Variants in ITCH observed in about 807,000 individuals in gnomAD.
ITCH encodes E3 ubiquitin-protein ligase Itchy homolog.
In ITCH, 28 loss-of-function variants were observed where a neutral mutation model predicts 126.8. The ratio of observed to expected loss-of-function variants is 0.22; its 90% confidence interval spans 0.16 to 0.30. ITCH has a LOEUF of 0.30. ITCH is among the 10% of genes least tolerant of loss of function. ITCH has a pLI of 1.00. For missense variants in ITCH, 631 were observed against 1,032.4 expected (o/e 0.61, Z 5.33); for synonymous variants, 342 against 340.0 (o/e 1.01, Z -0.06).
intron 22 of ITCH, among the ~76,000 whole-genome samples, chr20:34,490,278 G>C (rs973116457): frequency 1.3e-5 from 2 of 152,174 alleles, no homozygotes; most frequent in Admixed American, 1.3e-4. Flanking sequence ...AAATTTAAGA[G>C]ACTTGGTTTA....
chr20:34,494,185 G>A (rs1157215020), intron 23 of ITCH, among the ~76,000 whole-genome samples: 3 of 152,150 alleles, frequency 2.0e-5, no homozygotes, highest in African/African-American at 2.4e-5. Flanking sequence ...AGCTGAGATC[G>A]TGCCACTGCA....
chr20:34,470,701 T>TC lies in ITCH; in HGVS notation c.1497+582dup, dbSNP rs560597944. Among the ~76,000 whole-genome samples the TC allele has an allele frequency of 3.2e-4, 49 of 152,262 alleles. 1 individual carries two copies. The South Asian group carries it at 9.7e-3, about 30-fold the overall frequency. ...TTGACCTCCTGGGCTCAAGTGATCC[T>TC]CTTGCCTCAGCCTTCTCGCTAGCTG... On this transcript the variant is annotated intron_variant, in intron 15 of 24. Transcript: ENST00000374864.
At chr20:34,410,802 A>T (rs554396694) in intron 4 of ITCH, among the ~76,000 whole-genome samples, 18 of 152,322 alleles carry the variant, frequency 1.2e-4, no homozygotes, top group South Asian at 4.1e-4. Flanking sequence ...TTGAGTGCGT[A>T]CTTGATATGC....
intron 16 of ITCH, among the ~76,000 whole-genome samples, chr20:34,472,750 G>C (rs1242712859): frequency 6.6e-6 from 1 of 152,210 alleles, no homozygotes; most frequent in Non-Finnish European, 1.5e-5. Context: ...TTGGCATCCT[G>C]CTATGTAGGA....
intron 3 of ITCH, among the ~76,000 whole-genome samples, chr20:34,401,267 C>A (rs1350048893): frequency 6.6e-6 from 1 of 152,108 alleles, no homozygotes; most frequent in Admixed American, 6.5e-5. Flanking sequence ...ATACTGAACT[C>A]ATCTGTGTCT....
intron 23 of ITCH, 61 bp downstream of exon 23, chr20:34,492,658 A>ATGTG: frequency 9.9e-7 from 1 of 1,009,126 alleles, no homozygotes; most frequent in South Asian, 1.3e-5. Flanking sequence ...CTTTACGTAA[A>ATGTG]TGTGTATACA....
At chr20:34,501,797 CAAG>C (rs1374923571) in intron 23 of ITCH, among the ~76,000 whole-genome samples, 4 of 134,064 alleles carry the variant, frequency 3.0e-5, no homozygotes, top group Non-Finnish European at 6.6e-5. Flanking sequence ...AAAAAAAAGA[CAAG>C]TAGTACTGGA....
At chr20:34,364,428 A>G (rs1427529570) in intron 1 of ITCH, among the ~76,000 whole-genome samples, 1 of 152,100 alleles carries the variant, frequency 6.6e-6, no homozygotes, top group East Asian at 1.9e-4. Context: ...TCCTGATAGA[A>G]TTCGATCTTC....
chr20:34,406,683 C>T (rs1203711511), intron 3 of ITCH, among the ~76,000 whole-genome samples: 12 of 151,894 alleles, frequency 7.9e-5, no homozygotes, highest in Non-Finnish European at 1.3e-4. Flanking sequence ...TACAGGCGCT[C>T]GCCACCACGC....
chr20:34,488,823 A>C (rs1600480446), intron 20 of ITCH, among the ~76,000 whole-genome samples: 1 of 152,238 alleles, frequency 6.6e-6, no homozygotes, highest in East Asian at 1.9e-4. Context: ...AGATCACTTG[A>C]GGCCAGATAT....
At chr20:34,417,667 T>C (rs1374908556) in intron 6 of ITCH, among the ~76,000 whole-genome samples, 3 of 148,684 alleles carry the variant, frequency 2.0e-5, no homozygotes, top group African/African-American at 7.4e-5. Flanking sequence ...CCCAAAGTGC[T>C]GGGATTATAG....
At chr20:34,453,202 C>G (rs184223676) in intron 12 of ITCH, among the ~76,000 whole-genome samples, 1 of 152,204 alleles carries the variant, frequency 6.6e-6, no homozygotes, top group African/African-American at 2.4e-5. Context: ...CAAGGCTGAT[C>G]TCAGCAGCAT....
intron 14 of ITCH, among the ~76,000 whole-genome samples, chr20:34,467,478 G>A (rs892855659): frequency 2.0e-5 from 3 of 150,622 alleles, no homozygotes; most frequent in East Asian, 3.9e-4. Context: ...AACCGAGATC[G>A]CGCCACTGTA....
At chr20:34,463,119 T>C (rs765551130) in intron 14 of ITCH, among the ~76,000 whole-genome samples, 1 of 152,192 alleles carries the variant, frequency 6.6e-6, no homozygotes, top group Non-Finnish European at 1.5e-5. Flanking sequence ...TCCCAGCGCT[T>C]TGGGAGGCCA....
intron 23 of ITCH, among the ~76,000 whole-genome samples, chr20:34,497,425 T>C (rs961978212): frequency 6.6e-6 from 1 of 152,264 alleles, no homozygotes; most frequent in Non-Finnish European, 1.5e-5. Flanking sequence ...TATTGGTTAC[T>C]ATAGCTTTGT....
chr20:34,394,390 GT>G (rs1431955540), intron 3 of ITCH, among the ~76,000 whole-genome samples: 1 of 151,946 alleles, frequency 6.6e-6, no homozygotes, highest in Non-Finnish European at 1.5e-5. Flanking sequence ...TACCTGGGTA[GT>G]TGCTAATTAT....
chr20:34,423,002 C>G (rs1165199790), intron 6 of ITCH, among the ~76,000 whole-genome samples: 1 of 152,146 alleles, frequency 6.6e-6, no homozygotes, highest in Non-Finnish European at 1.5e-5. Flanking sequence ...GCCATGTTGG[C>G]CAGGCTGGTC....
rs757098202 is a variant in ITCH at position 34,508,415 on chromosome 20, G to C, written c.*621G>C. The C allele has an allele frequency of 1.1e-4, 17 of 156,788 alleles. No individual in the cohort carries two copies. The highest frequency in any genetic ancestry group is 2.1e-4 in the Non-Finnish European group (15 of 70,386). The allele number at this position is 156,788 out of a possible 1,614,324, so 9.7% of individuals were successfully genotyped here. A position where few individuals can be genotyped will look rare whatever the true frequency, so the allele number is the denominator to read the frequency against. Reference sequence around the variant, plus strand: ...TGAATTCAGGGAAAAGTTGGTCACAGCCTGCAAATGACTTCATTTGGAAGT... The same window carrying C: ...TGAATTCAGGGAAAAGTTGGTCACACCCTGCAAATGACTTCATTTGGAAGT... On this transcript the variant is annotated 3_prime_UTR_variant, in exon 25 of 25. Coordinates refer to ENST00000374864, the MANE Select transcript of ITCH (RefSeq NM_031483.7).
At chr20:34,377,217 A>G (rs550662059) in intron 2 of ITCH, among the ~76,000 whole-genome samples, 18 of 152,198 alleles carry the variant, frequency 1.2e-4, no homozygotes, top group African/African-American at 4.3e-4. Context: ...TACTAAAAAT[A>G]TAAAAAATTA....
Sources: gnomAD v4.1 joint callset for allele counts (sites outside exome capture counted in the v4.1 genomes callset) on GRCh38, gnomAD v4.1.1 for gene constraint, MANE v1.5 for transcripts, NCBI Gene and HGNC (gene_info 2026-07-23, HGNC 2026-07-21) for gene names.